Variants in RCSD1 observed in about 807,000 individuals in gnomAD.
RCSD1 encodes capZ-interacting protein.
RCSD1 carries 26 observed loss-of-function variants against 42.5 expected under a neutral mutation model. That is an observed-to-expected ratio of 0.61 (90% CI 0.45 to 0.85). The LOEUF is 0.85. Among genes scored for constraint, RCSD1 ranks in the 40% least tolerant of loss-of-function variants. RCSD1 has a pLI of 0.00. For missense variants in RCSD1, 571 were observed against 528.3 expected (o/e 1.08, Z -0.79); for synonymous variants, 220 against 212.2 (o/e 1.04, Z -0.32).
intron 1 of RCSD1, among the ~76,000 whole-genome samples, chr1:167,660,727 G>A (rs939002720): frequency 7.2e-5 from 11 of 152,076 alleles, no homozygotes; most frequent in Non-Finnish European, 1.2e-4. Context: ...TTCTGACTTG[G>A]CCTCCCAAAG....
At chr1:167,659,091 C>T (rs748302656) in intron 1 of RCSD1, among the ~76,000 whole-genome samples, 15 of 152,256 alleles carry the variant, frequency 9.9e-5, no homozygotes, top group Non-Finnish European at 1.9e-4. Flanking sequence ...TCCTTCCCAC[C>T]GCCCATCATC....
intron 1 of RCSD1, among the ~76,000 whole-genome samples, chr1:167,647,138 A>AAAAAAAAAAAG (rs1173854956): frequency 6.0e-4 from 91 of 151,194 alleles, no homozygotes; most frequent in African/African-American, 1.2e-3. Flanking sequence ...CTCAAAAAAA[A>AAAAAAAAAAAG]AGAGAGAGAG....
chr1:167,694,149 G>A lies in RCSD1; in HGVS notation c.321G>A (p.Lys107=), dbSNP rs376615773. 5.5e-5 allele frequency: 89 copies of A among 1,614,054 alleles called. No individual in the cohort carries two copies. The highest frequency in any genetic ancestry group is 7.2e-5 in the Non-Finnish European group (85 of 1,180,048). ...PAALLPGASP[K]SPGLKAMVSP... is the part of the protein sequence containing the mutation. The stretch of plus-strand genomic sequence containing the variant: ...CTCTACTGCCTGGGGCCTCACCCAA[G>A]AGTCCTGGACTCAAGGCTATGGTGT... Residue 107 remains lysine, a synonymous_variant, in exon 5 of 7, where the codon AAG becomes AAA. Transcript: ENST00000367854.
At chr1:167,634,728 C>T (rs1558069223) in intron 1 of RCSD1, among the ~76,000 whole-genome samples, 1 of 152,162 alleles carries the variant, frequency 6.6e-6, no homozygotes. Context: ...GAAAAAAAGT[C>T]ATAAATTTCT....
intron 2 of RCSD1, among the ~76,000 whole-genome samples, chr1:167,684,648 G>T (rs370796140): frequency 1.8e-4 from 27 of 152,266 alleles, no homozygotes; most frequent in East Asian, 1.7e-3. Flanking sequence ...GCCGAGGCAG[G>T]CAGATCACTT....
rs377204370 is a variant in RCSD1, at chr1:167,662,244, A to T, written c.7-21656A>T. ...TAACAGGAAAGAAAACAAAATCTTC[A>T]TTCCATCTTTTATGACTTTTCTGAT... On this transcript the variant is annotated intron_variant, in intron 1 of 6. Transcript: ENST00000367854. 2.2e-4 allele frequency among the ~76,000 whole-genome samples: 34 copies of T among 152,294 alleles called. No homozygotes were observed. In the East Asian group the frequency reaches 2.7e-3, roughly 12 times the overall value.
chr1:167,636,879 C>G lies in RCSD1; in HGVS notation c.6+6450C>G, dbSNP rs182125089. Among the ~76,000 whole-genome samples the G allele has an allele frequency of 1.0e-3, 153 of 152,294 alleles. 2 individuals carry two copies. Among genetic ancestry groups the G allele is most frequent in the Admixed American group, 7.1e-3 (108 of 15,294 alleles). ...GGGATTACAGGCCACCACGCCTGGC[C>G]CATGCACTAGGTTTTTAGTTAGATT... On this transcript the variant is annotated intron_variant, in intron 1 of 6. Coordinates refer to ENST00000367854, the MANE Select transcript of RCSD1 (RefSeq NM_052862.4).
chr1:167,666,094 A>G (rs1229369), intron 1 of RCSD1, among the ~76,000 whole-genome samples: 63,951 of 152,080 alleles, frequency 0.42, 13,853 homozygotes, highest in African/African-American at 0.47. Flanking sequence ...TTACAGGCGT[A>G]AGCCACCATG....
In RCSD1 at chr1:167,698,666, T is replaced by C. The variant is rs117389435; in HGVS notation, c.1218+824T>C. On this transcript the variant is annotated intron_variant, in intron 6 of 6. Transcript: ENST00000367854. ...CAGAGTCCCTAACAATCTCATCAAGTCAGTCACCCACAATTGTTTCACCCG... is the reference window on the plus strand; with the variant it reads ...CAGAGTCCCTAACAATCTCATCAAGCCAGTCACCCACAATTGTTTCACCCG... Among the ~76,000 whole-genome samples, 90 of 152,344 alleles carry C rather than the reference T, an allele frequency of 5.9e-4. No individual in the cohort carries two copies. In the East Asian group the frequency reaches 8.3e-3, roughly 14 times the overall value.
intron 1 of RCSD1, among the ~76,000 whole-genome samples, chr1:167,635,533 G>C (rs1040968436): frequency 1.2e-4 from 19 of 152,322 alleles, no homozygotes; most frequent in African/African-American, 4.3e-4. Context: ...ACAGCACTGC[G>C]AGCCAGAGCT....
intron 1 of RCSD1, among the ~76,000 whole-genome samples, chr1:167,670,945 T>A (rs1658792454): frequency 6.6e-6 from 1 of 152,166 alleles, no homozygotes; most frequent in South Asian, 2.1e-4. Flanking sequence ...ACTCCTGAAA[T>A]CAACAGAATA....
intron 1 of RCSD1, among the ~76,000 whole-genome samples, chr1:167,676,432 C>T (rs1658953867): frequency 6.6e-6 from 1 of 152,216 alleles, no homozygotes; most frequent in African/African-American, 2.4e-5. Context: ...AACAAGGAAA[C>T]TGAGACTCAG....
intron 1 of RCSD1, among the ~76,000 whole-genome samples, chr1:167,659,361 C>T (rs963142912): frequency 3.3e-5 from 5 of 152,068 alleles, no homozygotes; most frequent in South Asian, 2.1e-4. Context: ...GATAGTATTT[C>T]TATATGTAAA....
Position 167,683,941 on chromosome 1 carries a change from G to A in RCSD1, c.48G>A (p.Ala16=), listed in dbSNP as rs141658477. ...CCAATGCCAATGTGGACAACTCGGC[G>A]TCCCCCTCGGTGGCCCAGCTGGCCG... is the stretch of plus-strand genomic sequence containing the variant. ...AETNANVDNS[A]SPSVAQLAGR... is the part of the protein sequence containing the mutation. Residue 16 remains alanine (A), a synonymous_variant, in exon 2 of 7, where the codon GCG becomes GCA. Transcript: ENST00000367854. 117 of 1,614,066 alleles carry A rather than the reference G, an allele frequency of 7.2e-5. No individual in the cohort carries two copies. Among genetic ancestry groups the A allele is most frequent in the Middle Eastern group, 4.9e-4 (3 of 6,084 alleles).
intron 1 of RCSD1, among the ~76,000 whole-genome samples, chr1:167,658,262 AATTACATATAC>A (rs1658465053): frequency 6.6e-6 from 1 of 152,208 alleles, no homozygotes; most frequent in East Asian, 1.9e-4. Context: ...CTATATAAAA[AATTACATATAC>A]ATTGTGAGCA....
intron 3 of RCSD1, among the ~76,000 whole-genome samples, chr1:167,687,375 T>A (rs1659260053): frequency 3.6e-5 from 5 of 139,370 alleles, no homozygotes; most frequent in Non-Finnish European, 1.5e-5. Context: ...ATACAAAAAA[T>A]TAGCAGGCGT....
At chr1:167,686,406 A>G (rs1306585628) in intron 3 of RCSD1, among the ~76,000 whole-genome samples, 1 of 152,134 alleles carries the variant, frequency 6.6e-6, no homozygotes, top group Non-Finnish European at 1.5e-5. Flanking sequence ...TAATGCCTAC[A>G]TTTTCTCATC....
At chr1:167,674,587 T>G (rs1658895731) in intron 1 of RCSD1, among the ~76,000 whole-genome samples, 1 of 152,210 alleles carries the variant, frequency 6.6e-6, no homozygotes, top group African/African-American at 2.4e-5. Context: ...TTTTCATCAC[T>G]GAAAAAGAAG....
At chr1:167,674,055 C>T (rs554404799) in intron 1 of RCSD1, among the ~76,000 whole-genome samples, 1 of 152,328 alleles carries the variant, frequency 6.6e-6, no homozygotes, top group East Asian at 1.9e-4. Context: ...AGTAGAAGCT[C>T]ATTGAGCTCT....
Sources: gnomAD v4.1 joint callset for allele counts (sites outside exome capture counted in the v4.1 genomes callset) on GRCh38, gnomAD v4.1.1 for gene constraint, MANE v1.5 for transcripts, NCBI Gene and HGNC (gene_info 2026-07-23, HGNC 2026-07-21) for gene names.